MORC2: variants seen among roughly 807,000 people sequenced by gnomAD.
The protein encoded by MORC2 is ATPase MORC2.
In MORC2, 30 loss-of-function variants were observed where a neutral mutation model predicts 136.0. The observed-to-expected ratio is 0.22, with a 90% CI of 0.17 to 0.30. The LOEUF (loss-of-function observed/expected upper bound fraction) is 0.30. Among genes scored for constraint, MORC2 ranks in the 10% least tolerant of loss-of-function variants. MORC2 has a pLI of 1.00. For synonymous variants in MORC2, 439 were observed against 487.0 expected, an observed-to-expected ratio of 0.90 and a Z score of 1.30; for missense variants, 922 against 1,333.1, an observed-to-expected ratio of 0.69 and a Z score of 4.80.
At chr22:30,933,380 T>C in intron 21 of MORC2, 86 bp downstream of exon 21, 6 of 1,448,460 alleles carry the variant, frequency 4.1e-6, no homozygotes, top group Non-Finnish European at 5.8e-6. Context: ...CAATGAGCCT[T>C]TGGTAAATTG....
At chr22:30,948,339 C>T (rs549695249) in intron 5 of MORC2, among the ~76,000 whole-genome samples, 2 of 152,320 alleles carry the variant, frequency 1.3e-5, no homozygotes, top group African/African-American at 4.8e-5. Context: ...TAGGAGACTT[C>T]AGTTTTGGGG....
chr22:30,936,797 A>T, intron 16 of MORC2, 135 bp downstream of exon 16: 1 of 1,276,210 alleles, frequency 7.8e-7, no homozygotes, highest in African/African-American at 1.5e-5. Context: ...CAGGACATAC[A>T]TCTATTTTTA....
At position 30,935,357 on chromosome 22, in the gene MORC2, T is replaced by C. The variant is rs1191852837; in HGVS notation, c.1738-35A>G. 2.5e-6 allele frequency: 4 copies of C among 1,597,626 alleles called. No homozygotes were observed. The Admixed American group carries it at 5.1e-5, about 21-fold the overall frequency. On this transcript the variant is annotated intron_variant, in intron 17 of 25. Transcript: ENST00000397641. ...AAACATCATGATGAAGTTGTTTGCA[T>C]ATTTTAGTATACTTGAGCAAACTTT...
At chr22:30,952,925 TGTA>T (rs2040912308) in intron 3 of MORC2, among the ~76,000 whole-genome samples, 1 of 152,132 alleles carries the variant, frequency 6.6e-6, no homozygotes, top group African/African-American at 2.4e-5. Context: ...TAGAGCAAAA[TGTA>T]GTATGGGTAA....
At position 30,946,335 on chromosome 22, in the gene MORC2, A is replaced by G; in HGVS notation, c.426+6T>C. ...TGGTGATGCAGACCACGATGATGGG[A>G]CCTACTTCATCAATGCCTTCTTCCT... On this transcript the variant is annotated splice_donor_region_variant and intron_variant, in intron 6 of 25. Transcript: ENST00000397641. 6.2e-7 allele frequency: 1 copy of G among 1,601,276 alleles called. No individual in the cohort carries two copies. The highest frequency in any genetic ancestry group is 8.5e-7 in the Non-Finnish European group (1 of 1,171,932).
rs1221451202 is a variant in MORC2, at chr22:30,950,282, G to C, written c.226+95C>G. ...GGTGGATCTTCTAGACATAACATTG[G>C]AGGCAACAGAAAAACAAGTTCACAC... On this transcript the variant is annotated intron_variant, in intron 4 of 25. Transcript: ENST00000397641. 2.2e-5 allele frequency: 28 copies of C among 1,279,280 alleles called. 1 individual carries two copies. In the South Asian group the frequency reaches 3.4e-4, roughly 15 times the overall value. 79.2% of individuals were successfully genotyped at this position (1,279,280 alleles called of 1,614,324 possible).
At position 30,961,577 on chromosome 22, in the gene MORC2, C is replaced by T. The variant is rs184296827; in HGVS notation, c.69-2883G>A. Among the ~76,000 whole-genome samples, 87 of 152,152 alleles carry T rather than the reference C, an allele frequency of 5.7e-4. 1 individual carries two copies. In the East Asian group the frequency reaches 0.013, roughly 22 times the overall value. On this transcript the variant is annotated intron_variant, in intron 1 of 25. Coordinates refer to ENST00000397641, the MANE Select transcript of MORC2 (RefSeq NM_001303256.3). ...TTTCAACATGAGTTTGTACTTTTAA[C>T]GTAAATCAAGGAATCTCAAAAATAG...
chr22:30,966,980 C>T lies in MORC2; in HGVS notation c.68+842G>A, dbSNP rs185296280. 2.4e-4 allele frequency: 123 copies of T among 519,432 alleles called. 1 individual carries two copies. In the Admixed American group the frequency reaches 7.2e-3, roughly 30 times the overall value. The allele number at this position is 519,432 out of a possible 1,614,324, so 32.2% of individuals were successfully genotyped here. Reference sequence around the variant, plus strand: ...ACTACATAATGGAAGTCTATACTCTCGACTCTGAAGTGGGTTCTTCAGAGA... The same window carrying T: ...ACTACATAATGGAAGTCTATACTCTTGACTCTGAAGTGGGTTCTTCAGAGA... On this transcript the variant is annotated intron_variant, in intron 1 of 25. Transcript: ENST00000397641.
Position 30,946,458 on chromosome 22 carries a change from G to GA in MORC2, c.318-10dup. On this transcript the variant is annotated splice_polypyrimidine_tract_variant and intron_variant, in intron 5 of 25. Transcript: ENST00000397641. Reference sequence around the variant, plus strand: ...CAATGCGCATTGAGCCCCTGAAAAGGAAACAGAAATGGGTGTTATTCTCCC... The same window carrying GA: ...CAATGCGCATTGAGCCCCTGAAAAGGAAAACAGAAATGGGTGTTATTCTCCC... The GA allele has an allele frequency of 6.2e-7, 1 of 1,602,090 alleles. No individual in the cohort carries two copies. Among genetic ancestry groups the GA allele is most frequent in the Non-Finnish European group, 8.5e-7 (1 of 1,172,582 alleles).
chr22:30,936,447 G>A, intron 17 of MORC2, 64 bp downstream of exon 17: 1 of 1,590,994 alleles, frequency 6.3e-7, no homozygotes. Flanking sequence ...AGCTACTGAA[G>A]GTTCCTGTCA....
intron 1 of MORC2, among the ~76,000 whole-genome samples, chr22:30,963,058 G>A (rs1160865812): frequency 1.3e-5 from 2 of 151,270 alleles, no homozygotes; most frequent in African/African-American, 4.9e-5. Context: ...TGCAAGCTCC[G>A]CCTCCCGGGT....
rs2041154685 is a variant in MORC2, at chr22:30,967,964, A to T, written c.-75T>A. ...CTTATAATGATATCGATTTCCCAGG[A>T]TTCTGTCCAGTAAAGCTTCAGTAAG... On this transcript the variant is annotated 5_prime_UTR_variant, in exon 1 of 26. Transcript: ENST00000397641. 7.6e-7 allele frequency: 1 copy of T among 1,312,500 alleles called. No homozygotes were observed. Among genetic ancestry groups the T allele is most frequent in the Non-Finnish European group, 1.1e-6 (1 of 930,860 alleles). The allele number at this position is 1,312,500 out of a possible 1,614,324, so 81.3% of individuals were successfully genotyped here.
At chr22:30,960,897 C>T (rs919726157) in intron 1 of MORC2, among the ~76,000 whole-genome samples, 1 of 150,406 alleles carries the variant, frequency 6.6e-6, no homozygotes, top group Admixed American at 6.6e-5. Context: ...CAGAGTCTCA[C>T]TGCGTCGCCC....
chr22:30,930,148 C>A (rs1225154193), intron 24 of MORC2, among the ~76,000 whole-genome samples: 4 of 152,212 alleles, frequency 2.6e-5, no homozygotes, highest in African/African-American at 7.2e-5. Context: ...TGAGCCTCCA[C>A]ACCCAGCCTA....
At chr22:30,929,797 A>G (rs574511493) in intron 24 of MORC2, 1 of 152,294 alleles carries the variant, frequency 6.6e-6, no homozygotes, top group South Asian at 2.1e-4. Context: ...TAGACATTAC[A>G]ATTAGCAGGA....
At chr22:30,940,109 C>T in intron 10 of MORC2, 68 bp from the exon 11 acceptor site, 2 of 1,480,368 alleles carry the variant, frequency 1.4e-6, no homozygotes, top group South Asian at 2.3e-5. Context: ...CCTCCTGGAT[C>T]CACAGTACTG....
intron 17 of MORC2, 23 bp from the exon 18 acceptor site, chr22:30,935,345 A>G (rs1207532170): frequency 1.2e-6 from 2 of 1,609,136 alleles, no homozygotes; most frequent in South Asian, 2.2e-5. Context: ...CATCATGATG[A>G]AGTTGTTTGC....
intron 4 of MORC2, 32 bp downstream of exon 4, chr22:30,950,337 GCACCCCCC>G: frequency 5.8e-5 from 44 of 761,644 alleles, no homozygotes; most frequent in Non-Finnish European, 9.4e-5. Flanking sequence ...TGGTTACATC[GCACCCCCC>G]CACCCCCCAA....
intron 3 of MORC2, among the ~76,000 whole-genome samples, chr22:30,954,811 G>T (rs1203002370): frequency 6.6e-6 from 1 of 152,122 alleles, no homozygotes; most frequent in Non-Finnish European, 1.5e-5. Context: ...TGGAGAAGAG[G>T]CCCATTCTCT....
Sources: gnomAD v4.1 joint callset for allele counts (sites outside exome capture counted in the v4.1 genomes callset) on GRCh38, gnomAD v4.1.1 for gene constraint, MANE v1.5 for transcripts, NCBI Gene and HGNC (gene_info 2026-07-23, HGNC 2026-07-21) for gene names.